Variants in PEBP4 observed in about 807,000 individuals in gnomAD.
PEBP4 encodes phosphatidylethanolamine-binding protein 4.
In PEBP4, 22 loss-of-function variants were observed where a neutral mutation model predicts 23.9. That is an observed-to-expected ratio of 0.92 (90% confidence interval 0.66 to 1.31). The LOEUF is 1.31. Ranked by LOEUF, PEBP4 falls within the 40% of genes most tolerant of loss-of-function variation. PEBP4 has a pLI of 0.00. For synonymous variants in PEBP4, 112 were observed against 99.3 expected, an observed-to-expected ratio of 1.13 and a Z score of -0.76; for missense variants, 324 against 281.7, an observed-to-expected ratio of 1.15 and a Z score of -1.07.
intron 3 of PEBP4, among the ~76,000 whole-genome samples, chr8:22,847,993 G>C (rs1288586456): frequency 1.3e-5 from 2 of 151,876 alleles, no homozygotes; most frequent in Non-Finnish European, 2.9e-5. Flanking sequence ...ACAACACAAG[G>C]CTTTTAATTT....
intron 4 of PEBP4, among the ~76,000 whole-genome samples, chr8:22,749,805 C>CTTTTTGTTTTTTTTTT (rs1805209388): frequency 1.2e-5 from 1 of 83,762 alleles, no homozygotes; most frequent in Non-Finnish European, 2.4e-5. Context: ...GTTTGTCATT[C>CTTTTTGTTTTTTTTTT]TTTTTTTTTT....
intron 4 of PEBP4, among the ~76,000 whole-genome samples, chr8:22,786,653 G>A (rs1806035111): frequency 6.6e-6 from 1 of 152,076 alleles, no homozygotes; most frequent in Non-Finnish European, 1.5e-5. Flanking sequence ...GCTTGGGGGA[G>A]CAAAAAGGAA....
At chr8:22,759,157 G>T (rs1488264040) in intron 4 of PEBP4, among the ~76,000 whole-genome samples, 1 of 152,134 alleles carries the variant, frequency 6.6e-6, no homozygotes, top group Non-Finnish European at 1.5e-5. Flanking sequence ...TAGACGTGAG[G>T]CGCTGCAGAC....
intron 4 of PEBP4, among the ~76,000 whole-genome samples, chr8:22,764,756 G>A (rs1026014199): frequency 4.6e-5 from 7 of 151,814 alleles, no homozygotes; most frequent in African/African-American, 1.5e-4. Flanking sequence ...AGTGGGGATC[G>A]GTCATACACC....
chr8:22,833,126 G>A (rs964038283), intron 3 of PEBP4, among the ~76,000 whole-genome samples: 9 of 152,188 alleles, frequency 5.9e-5, no homozygotes, highest in Non-Finnish European at 8.8e-5. Context: ...CTGGCCCTGT[G>A]TGGTGTGCTG....
At chr8:22,836,415 T>C (rs1249071632) in intron 3 of PEBP4, among the ~76,000 whole-genome samples, 1 of 152,272 alleles carries the variant, frequency 6.6e-6, no homozygotes, top group Non-Finnish European at 1.5e-5. Context: ...TGCAAATTCC[T>C]GCACACCTAG....
intron 4 of PEBP4, among the ~76,000 whole-genome samples, chr8:22,731,843 A>AT (rs1804744816): frequency 1.4e-5 from 2 of 141,272 alleles, no homozygotes; most frequent in African/African-American, 5.2e-5. Context: ...TTTTTTTTTA[A>AT]TTTTTTTATT....
intron 4 of PEBP4, among the ~76,000 whole-genome samples, chr8:22,748,321 G>A (rs1465089058): frequency 1.3e-5 from 2 of 152,078 alleles, no homozygotes; most frequent in Non-Finnish European, 2.9e-5. Flanking sequence ...CCATCAGTCC[G>A]TATTGATGGA....
intron 6 of PEBP4, among the ~76,000 whole-genome samples, chr8:22,719,001 C>T (rs1004768914): frequency 2.0e-5 from 3 of 152,172 alleles, no homozygotes; most frequent in South Asian, 2.1e-4. Context: ...TCTCACCCAC[C>T]GAGGCCTGCA....
At chr8:22,804,057 G>T (rs1373551181) in intron 4 of PEBP4, among the ~76,000 whole-genome samples, 1 of 152,244 alleles carries the variant, frequency 6.6e-6, no homozygotes, top group Non-Finnish European at 1.5e-5. Flanking sequence ...GCTGGGTGCG[G>T]TGGCTCACAT....
At chr8:22,925,246 A>G in intron 2 of PEBP4, 1 of 985,424 alleles carries the variant, frequency 1.0e-6, no homozygotes, top group East Asian at 1.1e-4. Context: ...CCTTAAGGTC[A>G]TAAGTCTCTT....
Position 22,795,163 on chromosome 8 carries a change from A to ATTTTTTTTTT in PEBP4, c.357+22464_357+22473dup, listed in dbSNP as rs33911395. ...TGTGTGTATATATATATATATATAT[A>ATTTTTTTTTT]TTTTTTTTTTTTTTTTTTTTTTTTT... On this transcript the variant is annotated intron_variant, in intron 4 of 6. Coordinates refer to ENST00000256404, the MANE Select transcript of PEBP4 (RefSeq NM_144962.3). 5.3e-4 allele frequency among the ~76,000 whole-genome samples: 25 copies of ATTTTTTTTTT among 47,344 alleles called. 3 individuals carry two copies. Among genetic ancestry groups the ATTTTTTTTTT allele is most frequent in the Admixed American group, 1.0e-3 (3 of 2,918 alleles). The allele number at this position is 47,344 out of a possible 152,430, so 31.1% of individuals were successfully genotyped here. A position where few individuals can be genotyped will look rare whatever the true frequency, so the allele number is the denominator to read the frequency against.
At chr8:22,937,432 TTAAAG>T (rs1203465408) in intron 1 of PEBP4, among the ~76,000 whole-genome samples, 1 of 152,072 alleles carries the variant, frequency 6.6e-6, no homozygotes, top group Non-Finnish European at 1.5e-5. Context: ...CTAAAATAAA[TTAAAG>T]AAGAGATAAA....
At chr8:22,744,340 C>T (rs1323461229) in intron 4 of PEBP4, among the ~76,000 whole-genome samples, 1 of 152,328 alleles carries the variant, frequency 6.6e-6, no homozygotes, top group East Asian at 1.9e-4. Flanking sequence ...CTCCTGAGTT[C>T]TAGAACTGCC....
intron 6 of PEBP4, among the ~76,000 whole-genome samples, chr8:22,714,170 C>T (rs1443146754): frequency 6.6e-6 from 1 of 152,206 alleles, no homozygotes; most frequent in Non-Finnish European, 1.5e-5. Context: ...CAGACGGTGC[C>T]CAGGTCGGAG....
At chr8:22,796,410 T>A (rs77608898) in intron 4 of PEBP4, among the ~76,000 whole-genome samples, 7,238 of 152,284 alleles carry the variant, frequency 0.048, 224 homozygotes, top group Middle Eastern at 0.11. Context: ...TCAGAAGGTG[T>A]GCTCAGTAAA....
At chr8:22,792,960 CA>C in intron 4 of PEBP4, among the ~76,000 whole-genome samples, 1 of 152,308 alleles carries the variant, frequency 6.6e-6, no homozygotes, top group East Asian at 1.9e-4. Flanking sequence ...TTGTAATAAT[CA>C]AATTATCTTG....
chr8:22,842,816 A>G (rs943461052), intron 3 of PEBP4, among the ~76,000 whole-genome samples: 2 of 151,938 alleles, frequency 1.3e-5, no homozygotes, highest in Admixed American at 1.3e-4. Context: ...TTTTTGAACT[A>G]CAGGCCCTGA....
At chr8:22,757,865 C>A (rs1183928087) in intron 4 of PEBP4, 1 of 152,230 alleles carries the variant, frequency 6.6e-6, no homozygotes, top group Non-Finnish European at 1.5e-5. Context: ...CCTACCCGGC[C>A]ACCTGCAGCC....
Sources: gnomAD v4.1 joint callset for allele counts (sites outside exome capture counted in the v4.1 genomes callset) on GRCh38, gnomAD v4.1.1 for gene constraint, MANE v1.5 for transcripts, NCBI Gene and HGNC (gene_info 2026-07-23, HGNC 2026-07-21) for gene names.